The following ADAMTS16 variants were observed in gnomAD, a reference collection of about 807,000 sequenced individuals.
ADAMTS16 encodes the protein A disintegrin and metalloproteinase with thrombospondin motifs 16.
Under a neutral mutation model 145.8 loss-of-function variants are expected in ADAMTS16, and 94 were observed. That is an observed-to-expected ratio of 0.64 (90% CI 0.55 to 0.77). The LOEUF is 0.77. Ranked by LOEUF, ADAMTS16 falls within the 30% of genes least tolerant of loss-of-function variation. ADAMTS16 has a pLI of 0.00. For missense variants in ADAMTS16, 1,585 were observed against 1,591.5 expected (o/e 1.00, Z 0.07); for synonymous variants, 659 against 604.3 (o/e 1.09, Z -1.33).
rs751451357 is a variant in ADAMTS16, at chr5:5,310,112, G to A, written c.3411+3384G>A. On this transcript the variant is annotated intron_variant, in intron 21 of 22. Coordinates refer to ENST00000274181, the MANE Select transcript of ADAMTS16 (RefSeq NM_139056.4). The surrounding 1 kb of genome is among the most constrained non-coding windows in gnomAD (Gnocchi z 4.3). The stretch of plus-strand genomic sequence containing the variant: ...TGCCTGTTGGGCAGCCGGGGTCAAG[G>A]TGTGAACAAAGGAGGCTGAGCTCAG... 8.5e-5 allele frequency among the ~76,000 whole-genome samples: 13 copies of A among 152,110 alleles called. No individual in the cohort carries two copies. Among genetic ancestry groups the A allele is most frequent in the Non-Finnish European group, 1.6e-4 (11 of 68,026 alleles).
chr5:5,204,673 C>A (rs1230424509), intron 9 of ADAMTS16, among the ~76,000 whole-genome samples: 1 of 152,130 alleles, frequency 6.6e-6, no homozygotes, highest in Non-Finnish European at 1.5e-5. Context: ...AAAACTTATT[C>A]ATTCATTCTG....
At position 5,319,366 on chromosome 5, in the gene ADAMTS16, C is replaced by A. The variant is rs1579428602; in HGVS notation, c.*228C>A. On this transcript the variant is annotated 3_prime_UTR_variant, in exon 23 of 23. Coordinates refer to ENST00000274181, the MANE Select transcript of ADAMTS16 (RefSeq NM_139056.4). ...TCTCCTGTCAGGCTGAAATGTGGCACCCTGGCAGACAGAGCTGTGGCTCGT... is the reference window on the plus strand; with the variant it reads ...TCTCCTGTCAGGCTGAAATGTGGCAACCTGGCAGACAGAGCTGTGGCTCGT... The A allele has an allele frequency of 1.9e-6, 1 of 526,810 alleles. No homozygotes were observed. Among genetic ancestry groups the A allele is most frequent in the East Asian group, 3.3e-5 (1 of 30,028 alleles). 32.6% of individuals were successfully genotyped at this position (526,810 alleles called of 1,614,324 possible). A position where few individuals can be genotyped will look rare whatever the true frequency, so the allele number is the denominator to read the frequency against.
rs779005168 is a variant in ADAMTS16 at position 5,306,465 on chromosome 5, G to T, written c.3187-39G>T. 7.2e-5 allele frequency: 113 copies of T among 1,573,720 alleles called. 2 individuals carry two copies. The East Asian group carries it at 8.8e-4, about 12-fold the overall frequency. On this transcript the variant is annotated intron_variant, in intron 20 of 22. Coordinates refer to ENST00000274181, the MANE Select transcript of ADAMTS16 (RefSeq NM_139056.4). ...AACCCACAGATTTTGCAAAAAAAGA[G>T]ATTTTTTTCACTGACTTCTTTTGTT...
chr5:5,165,721 G>A (rs1162610153), intron 3 of ADAMTS16, among the ~76,000 whole-genome samples: 4 of 152,208 alleles, frequency 2.6e-5, no homozygotes, highest in Non-Finnish European at 4.4e-5. Flanking sequence ...CAGGCTGGCA[G>A]CCTGCTGTGG....
intron 18 of ADAMTS16, among the ~76,000 whole-genome samples, chr5:5,294,858 G>C (rs4642332): frequency 0.69 from 104,468 of 151,990 alleles, 36,390 homozygotes; most frequent in African/African-American, 0.72. Context: ...GGACCACTGG[G>C]TCTGAATGCC....
At position 5,191,523 on chromosome 5, in the gene ADAMTS16, C is replaced by A. The variant is rs190043380; in HGVS notation, c.1208-162C>A. On this transcript the variant is annotated intron_variant, in intron 7 of 22. Transcript: ENST00000274181. ...CCCTGGAAGGGAGTCCCTTCCCCTA[C>A]CTTATCAAGTCCCCTTTATACGGTT... Among the ~76,000 whole-genome samples, 516 of 152,254 alleles carry A rather than the reference C, an allele frequency of 3.4e-3. 13 individuals carry two copies. Among genetic ancestry groups the A allele is most frequent in the Admixed American group, 0.031 (474 of 15,296 alleles).
chr5:5,308,107 G>A (rs974319958), intron 21 of ADAMTS16, among the ~76,000 whole-genome samples: 4 of 152,228 alleles, frequency 2.6e-5, no homozygotes, highest in Non-Finnish European at 5.9e-5. Context: ...GCACACCCAA[G>A]GTGAAGTCTT....
intron 18 of ADAMTS16, among the ~76,000 whole-genome samples, chr5:5,271,076 A>T (rs1225809136): frequency 6.6e-6 from 1 of 152,212 alleles, no homozygotes; most frequent in Non-Finnish European, 1.5e-5. Context: ...AAACATCTTA[A>T]TCCACAGCCT....
intron 18 of ADAMTS16, among the ~76,000 whole-genome samples, chr5:5,300,862 C>T (rs1739739270): frequency 6.6e-6 from 1 of 152,164 alleles, no homozygotes; most frequent in African/African-American, 2.4e-5. Context: ...TCCAGCCAGG[C>T]ATGCATAGAA....
intron 13 of ADAMTS16, among the ~76,000 whole-genome samples, chr5:5,236,367 TAAACCAAAAACCTTGAA>T (rs1737107887): frequency 6.6e-6 from 1 of 151,996 alleles, no homozygotes; most frequent in African/African-American, 2.4e-5. Context: ...ATATTAAATA[TAAACCAAAAACCTTGAA>T]ATGGATTATT....
At chr5:5,304,250 T>C (rs952598991) in intron 20 of ADAMTS16, among the ~76,000 whole-genome samples, 1 of 152,180 alleles carries the variant, frequency 6.6e-6, no homozygotes, top group Non-Finnish European at 1.5e-5. Context: ...CCTGTTAGTT[T>C]TGTTGAAATC....
chr5:5,225,461 G>A (rs1001442474), intron 11 of ADAMTS16, among the ~76,000 whole-genome samples: 2 of 152,120 alleles, frequency 1.3e-5, no homozygotes, highest in African/African-American at 2.4e-5. Context: ...AACTTAGCTG[G>A]GCGTTGTGGC....
chr5:5,177,867 A>G (rs1579290817), intron 3 of ADAMTS16, among the ~76,000 whole-genome samples: 1 of 150,880 alleles, frequency 6.6e-6, no homozygotes, highest in African/African-American at 2.4e-5. Flanking sequence ...GCTCTCATGA[A>G]TAGGGCGCAT....
chr5:5,319,684 G>C lies in ADAMTS16; in HGVS notation c.*546G>C. The C allele has an allele frequency of 2.8e-6, 1 of 355,268 alleles. No homozygotes were observed. The highest frequency in any genetic ancestry group is 2.2e-5 in the South Asian group (1 of 45,388). 22.0% of individuals were successfully genotyped at this position (355,268 alleles called of 1,614,324 possible). A position where few individuals can be genotyped will look rare whatever the true frequency, so the allele number is the denominator to read the frequency against. ...CTCCTCCTCCTCCTCCCCAGCGGCC[G>C]AGCATCTCTTACCAGGAACCTGGAG... On this transcript the variant is annotated 3_prime_UTR_variant, in exon 23 of 23. Coordinates refer to ENST00000274181, the MANE Select transcript of ADAMTS16 (RefSeq NM_139056.4).
rs1456353128 is a variant in ADAMTS16 at position 5,237,057 on chromosome 5, C to T, written c.2112C>T (p.Cys704=). The part of the protein sequence containing the change: ...LSNKVKDGTP[C]SEDSRNVCID... ...ATAAAGTCAAAGATGGGACTCCATG[C>T]TCGGAGGATAGCCGTAATGTTTGTA... The change falls in exon 14 of 23, where the codon TGC becomes TGT. Residue 704 remains cysteine (C), a synonymous_variant. Coordinates refer to ENST00000274181, the MANE Select transcript of ADAMTS16 (RefSeq NM_139056.4). 1.2e-6 allele frequency: 2 copies of T among 1,614,076 alleles called. No homozygotes were observed. Among genetic ancestry groups the T allele is most frequent in the Admixed American group, 3.3e-5 (2 of 60,016 alleles).
At chr5:5,229,595 C>T (rs997956379) in intron 11 of ADAMTS16, among the ~76,000 whole-genome samples, 5 of 152,136 alleles carry the variant, frequency 3.3e-5, no homozygotes, top group South Asian at 2.1e-4. Flanking sequence ...AGATGAGCCT[C>T]GGATACCTTG....
Position 5,303,350 on chromosome 5 carries a change from GT to G in ADAMTS16, c.2873del (p.Val958GlyfsTer108). ...CCGCCCCGTGCAGTGCACACGGCGG[GT>G]GCACTATGACTCGGAGCCAGTCCCG... Reference protein sequence around the residue: ...QSRPVQCTRRVHYDSEPVPAS... With the variant: ...QSRPVQCTRRXHYDSEPVPAS... On this transcript the variant is annotated frameshift_variant, in exon 19 of 23. Coordinates refer to ENST00000274181, the MANE Select transcript of ADAMTS16 (RefSeq NM_139056.4). LOFTEE classifies it high-confidence loss of function. 6.2e-7 allele frequency: 1 copy of G among 1,605,044 alleles called. No homozygotes were observed. Among genetic ancestry groups the G allele is most frequent in the Non-Finnish European group, 8.5e-7 (1 of 1,176,786 alleles).
At chr5:5,295,371 T>G (rs895536429) in intron 18 of ADAMTS16, among the ~76,000 whole-genome samples, 2 of 151,510 alleles carry the variant, frequency 1.3e-5, no homozygotes, top group Non-Finnish European at 2.9e-5. Context: ...GAAACAGCTC[T>G]TCTTTTCTAA....
At chr5:5,302,275 A>T (rs559611946) in intron 18 of ADAMTS16, among the ~76,000 whole-genome samples, 1 of 152,354 alleles carries the variant, frequency 6.6e-6, no homozygotes, top group African/African-American at 2.4e-5. Context: ...ATGCACGTTG[A>T]TGGGGTCTAC....
Sources: gnomAD v4.1 joint callset for allele counts (sites outside exome capture counted in the v4.1 genomes callset) on GRCh38, gnomAD v4.1.1 for gene constraint, Gnocchi (gnomAD v3.1) non-coding constraint, MANE v1.5 for transcripts, NCBI Gene and HGNC (gene_info 2026-07-23, HGNC 2026-07-21) for gene names.